CRABP1: variants seen among roughly 807,000 people sequenced by gnomAD.
The protein encoded by CRABP1 is cellular retinoic acid-binding protein 1.
A neutral mutation model predicts 16.4 loss-of-function variants in CRABP1; 9 were observed. That is an observed-to-expected ratio of 0.55 (90% CI 0.33 to 0.96). The LOEUF is 0.96. Among genes scored for constraint, CRABP1 ranks in the 40% least tolerant of loss-of-function variants. The pLI, the probability that CRABP1 is intolerant of heterozygous loss-of-function variation, is 0.03. For missense variants in CRABP1, 157 were observed against 186.0 expected, an observed-to-expected ratio of 0.84 and a Z score of 0.91; for synonymous variants, 72 against 70.4, an observed-to-expected ratio of 1.02 and a Z score of -0.11.
chr15:78,340,607 G>T (rs969025956), intron 1 of CRABP1, 109 bp downstream of exon 1: 3 of 1,270,678 alleles, frequency 2.4e-6, no homozygotes, highest in African/African-American at 3.0e-5. Context: ...AGCCCAGGCA[G>T]GAGGGAGTCC....
chr15:78,341,542 C>T lies in CRABP1; in HGVS notation c.249+321C>T. 3 of 350,690 alleles carry T rather than the reference C, an allele frequency of 8.6e-6. No individual in the cohort carries two copies. Among genetic ancestry groups the T allele is most frequent in the Non-Finnish European group, 1.7e-5 (3 of 181,066 alleles). The allele number at this position is 350,690 out of a possible 1,614,324, so 21.7% of individuals were successfully genotyped here. On this transcript the variant is annotated intron_variant, in intron 2 of 3. Transcript: ENST00000299529. This position sits in a 1 kb window ranked among gnomAD's most constrained non-coding sequence, Gnocchi z 5.3. ...GGTTTGCAGCGCCAAGCGCAGGCGGCGCAGGAGGAGGAGGAGGTTGCAGGA... is the reference window on the plus strand; with the variant it reads ...GGTTTGCAGCGCCAAGCGCAGGCGGTGCAGGAGGAGGAGGAGGTTGCAGGA...
At chr15:78,343,685 G>A in intron 3 of CRABP1, 73 bp downstream of exon 3, 1 of 1,093,200 alleles carries the variant, frequency 9.1e-7, no homozygotes, top group South Asian at 1.3e-5. Flanking sequence ...CCACAAATAT[G>A]TCCTCCTCAC....
chr15:78,344,086 A>C lies in CRABP1; in HGVS notation c.363+474A>C, dbSNP rs559391596. Among the ~76,000 whole-genome samples, 3 of 152,300 alleles carry C rather than the reference A, an allele frequency of 2.0e-5. No homozygotes were observed. The South Asian group carries it at 6.2e-4, about 32-fold the overall frequency. ...TTTTTAGCTGTGATTTGCAAACTCC[A>C]ATGGCCTTTGGGAGCCAGGCAATGA... On this transcript the variant is annotated intron_variant, in intron 3 of 3. Coordinates refer to ENST00000299529, the MANE Select transcript of CRABP1 (RefSeq NM_004378.3).
intron 3 of CRABP1, 132 bp from the exon 4 acceptor site, chr15:78,347,795 A>T: frequency 1.2e-6 from 1 of 825,490 alleles, no homozygotes; most frequent in South Asian, 1.5e-5. Context: ...GCCTGAGCAC[A>T]CACACAGGAA....
intron 3 of CRABP1, 63 bp from the exon 4 acceptor site, chr15:78,347,864 T>C (rs1439588811): frequency 1.3e-6 from 2 of 1,502,850 alleles, no homozygotes; most frequent in East Asian, 4.5e-5. Context: ...ATTAGTGATA[T>C]GCTTTAAACA....
intron 3 of CRABP1, among the ~76,000 whole-genome samples, chr15:78,347,350 G>A (rs887184595): frequency 1.2e-4 from 19 of 152,190 alleles, no homozygotes; most frequent in Admixed American, 1.2e-3. Context: ...TGAGCTGCAG[G>A]GGCTAGGTTT....
Position 78,348,200 on chromosome 15 carries a change from C to T in CRABP1, c.*223C>T. On this transcript the variant is annotated 3_prime_UTR_variant, in exon 4 of 4. Coordinates refer to ENST00000299529, the MANE Select transcript of CRABP1 (RefSeq NM_004378.3). ...TTTGGCATTTGCACGGTTTCGAAGT[C>T]ATTAAACTGGTTAGACGTGTCTCAA... The T allele has an allele frequency of 1.7e-6, 1 of 572,446 alleles. No homozygotes were observed. Among genetic ancestry groups the T allele is most frequent in the South Asian group, 2.3e-5 (1 of 44,112 alleles). The allele number at this position is 572,446 out of a possible 1,614,324, so 35.5% of individuals were successfully genotyped here. A position where few individuals can be genotyped will look rare whatever the true frequency, so the allele number is the denominator to read the frequency against.
intron 2 of CRABP1, among the ~76,000 whole-genome samples, chr15:78,342,556 A>C (rs1450232557): frequency 6.6e-6 from 1 of 152,090 alleles, no homozygotes; most frequent in Non-Finnish European, 1.5e-5. Context: ...TTGTGCAGAC[A>C]CTGGGGAAAA....
At chr15:78,344,253 A>T (rs2050252210) in intron 3 of CRABP1, among the ~76,000 whole-genome samples, 1 of 152,128 alleles carries the variant, frequency 6.6e-6, no homozygotes, top group South Asian at 2.1e-4. Context: ...CTGAGGTTGC[A>T]AGTTTGAGAC....
At chr15:78,347,877 T>C in intron 3 of CRABP1, 50 bp from the exon 4 acceptor site, 1 of 1,587,250 alleles carries the variant, frequency 6.3e-7, no homozygotes, top group African/African-American at 1.3e-5. Flanking sequence ...TTTAAACATT[T>C]TTGCACAGGC....
chr15:78,340,552 C>T, intron 1 of CRABP1, 54 bp downstream of exon 1: 1 of 1,574,642 alleles, frequency 6.4e-7, no homozygotes, highest in Non-Finnish European at 8.6e-7. Flanking sequence ...CGGAGGTGCC[C>T]TGGTCCCGGA....
Position 78,341,008 on chromosome 15 carries a change from C to T in CRABP1, c.71-35C>T, listed in dbSNP as rs1225120965. The T allele has an allele frequency of 1.3e-5, 21 of 1,578,418 alleles. No homozygotes were observed. Among genetic ancestry groups the T allele is most frequent in the Non-Finnish European group, 1.6e-5 (19 of 1,165,218 alleles). On this transcript the variant is annotated intron_variant, in intron 1 of 3. Coordinates refer to ENST00000299529, the MANE Select transcript of CRABP1 (RefSeq NM_004378.3). The surrounding 1 kb of genome is among the most constrained non-coding windows in gnomAD (Gnocchi z 5.3). The stretch of plus-strand genomic sequence containing the variant: ...ACCGGTCCCGAGACTGGCGGCGAGG[C>T]CCCGTGACCCAAGCCTGTGGTGCAC...
chr15:78,341,348 G>A lies in CRABP1; in HGVS notation c.249+127G>A. On this transcript the variant is annotated intron_variant, in intron 2 of 3. Coordinates refer to ENST00000299529, the MANE Select transcript of CRABP1 (RefSeq NM_004378.3). The surrounding 1 kb of genome is among the most constrained non-coding windows in gnomAD (Gnocchi z 5.3). The stretch of plus-strand genomic sequence containing the variant: ...GCCTTCCTTGCAGGGTGTGTACACT[G>A]GCTGTTTGCAGAGGGGGTTTGTGCA... 1 of 1,085,396 alleles carries A rather than the reference G, an allele frequency of 9.2e-7. No homozygotes were observed. The highest frequency in any genetic ancestry group is 1.4e-6 in the Non-Finnish European group (1 of 726,368). 67.2% of individuals were successfully genotyped at this position (1,085,396 alleles called of 1,614,324 possible).
Position 78,340,459 on chromosome 15 carries a change from C to T in CRABP1, c.31C>T (p.Arg11Cys). The T allele has an allele frequency of 1.2e-6, 2 of 1,605,520 alleles. No individual in the cohort carries two copies. Among genetic ancestry groups the T allele is most frequent in the Non-Finnish European group, 8.5e-7 (1 of 1,177,446 alleles). ...CAACTTCGCCGGCACCTGGAAGATGCGCAGCAGCGAGAATTTCGACGAGCT... is the reference window on the plus strand; with the variant it reads ...CAACTTCGCCGGCACCTGGAAGATGTGCAGCAGCGAGAATTTCGACGAGCT... MPNFAGTWKM[R>C]SSENFDELLK... Residue 11 changes from arginine (R) to cysteine (C), a missense_variant, in exon 1 of 4, where the codon CGC becomes TGC. Coordinates refer to ENST00000299529, the MANE Select transcript of CRABP1 (RefSeq NM_004378.3).
intron 3 of CRABP1, among the ~76,000 whole-genome samples, chr15:78,345,987 G>A (rs1044741904): frequency 1.6e-4 from 24 of 152,092 alleles, no homozygotes; most frequent in African/African-American, 5.6e-4. Flanking sequence ...AGTTTCTGTC[G>A]GGAACCTCTA....
intron 3 of CRABP1, among the ~76,000 whole-genome samples, chr15:78,346,215 C>T (rs1023286818): frequency 2.0e-5 from 3 of 152,140 alleles, no homozygotes; most frequent in African/African-American, 4.8e-5. Flanking sequence ...GGTTCTGAGG[C>T]GTCCAGACAT....
rs1474501090 is a variant in CRABP1 at position 78,341,274 on chromosome 15, G to T, written c.249+53G>T. ...CCCGTGTCCCCGCTCGGTGCCCATG[G>T]CCCACTGCTGCTGGAGGAACCTGTG... On this transcript the variant is annotated intron_variant, in intron 2 of 3. Coordinates refer to ENST00000299529, the MANE Select transcript of CRABP1 (RefSeq NM_004378.3). This position sits in a 1 kb window ranked among gnomAD's most constrained non-coding sequence, Gnocchi z 5.3. 7 of 1,563,046 alleles carry T rather than the reference G, an allele frequency of 4.5e-6. No homozygotes were observed. The highest frequency in any genetic ancestry group is 1.2e-5 in the South Asian group (1 of 85,530).
Position 78,345,614 on chromosome 15 carries a change from G to C in CRABP1, c.363+2002G>C, listed in dbSNP as rs556183060. On this transcript the variant is annotated intron_variant, in intron 3 of 3. Coordinates refer to ENST00000299529, the MANE Select transcript of CRABP1 (RefSeq NM_004378.3). ...AACCTCTGTAGTATACGAGCAGCTGGAGTCACAGGCCAAATTCTGCTAGAT... is the reference window on the plus strand; with the variant it reads ...AACCTCTGTAGTATACGAGCAGCTGCAGTCACAGGCCAAATTCTGCTAGAT... Among the ~76,000 whole-genome samples the C allele has an allele frequency of 2.3e-3, 350 of 151,472 alleles. 2 individuals are homozygous for C. The highest frequency in any genetic ancestry group is 9.5e-3 in the South Asian group (46 of 4,826).
chr15:78,347,975 T>G lies in CRABP1; in HGVS notation c.412T>G (p.Ter138GlyextTer21), dbSNP rs769570781. 7 of 1,613,926 alleles carry G rather than the reference T, an allele frequency of 4.3e-6. No individual in the cohort carries two copies. In the Admixed American group the frequency reaches 1.0e-4, roughly 23 times the overall value. Residue 138 changes from the stop codon to glycine (G), a stop_lost, in exon 4 of 4, where the codon TGA (stop) becomes GGA (glycine). Coordinates refer to ENST00000299529, the MANE Select transcript of CRABP1 (RefSeq NM_004378.3). ...CTGCACCAGAATTTATGTCCGAGAGTGAAGGCAGCTGGCTTGCTCCTACTT... is the reference window on the plus strand; with the variant it reads ...CTGCACCAGAATTTATGTCCGAGAGGGAAGGCAGCTGGCTTGCTCCTACTT... The part of the protein sequence containing the change: ...VVCTRIYVRE[*>G]
Sources: gnomAD v4.1 joint callset for allele counts (sites outside exome capture counted in the v4.1 genomes callset) on GRCh38, gnomAD v4.1.1 for gene constraint, Gnocchi (gnomAD v3.1) non-coding constraint, MANE v1.5 for transcripts, NCBI Gene and HGNC (gene_info 2026-07-23, HGNC 2026-07-21) for gene names.